Variants in C9orf153 observed in about 807,000 individuals in gnomAD.
C9orf153 encodes the protein chromosome 9 open reading frame 153.
A neutral mutation model predicts 9.0 loss-of-function variants in C9orf153; 10 were observed. That is an observed-to-expected ratio of 1.11 (90% CI 0.69 to 1.89). The LOEUF is 1.89. Ranked by LOEUF, C9orf153 falls within the 40% of genes most tolerant of loss-of-function variation. C9orf153 has a pLI of 0.00. For missense variants in C9orf153, 108 were observed against 111.0 expected, an observed-to-expected ratio of 0.97 and a Z score of 0.12; for synonymous variants, 35 against 37.3, an observed-to-expected ratio of 0.94 and a Z score of 0.23.
chr9:86,236,064 G>T (rs946194618), intron 1 of C9orf153, among the ~76,000 whole-genome samples: 2 of 151,792 alleles, frequency 1.3e-5, no homozygotes, highest in African/African-American at 4.8e-5. Flanking sequence ...ATAAAGAAAA[G>T]AAATCTTGAA....
chr9:86,236,022 G>A (rs548650968), intron 1 of C9orf153, among the ~76,000 whole-genome samples: 1 of 151,874 alleles, frequency 6.6e-6, no homozygotes, highest in African/African-American at 2.4e-5. Context: ...CTTCACATAG[G>A]TATATCATAT....
Position 86,227,711 on chromosome 9 carries a change from T to A in C9orf153, c.242+144A>T, listed in dbSNP as rs370302773. 39 of 1,379,362 alleles carry A rather than the reference T, an allele frequency of 2.8e-5. No homozygotes were observed. In the South Asian group the frequency reaches 7.7e-4, roughly 27 times the overall value. The allele number at this position is 1,379,362 out of a possible 1,614,324, so 85.4% of individuals were successfully genotyped here. ...GGTGAGAATTTCATAAGGAAAAGTG[T>A]GCTTGGGAGGGGAGATCCCACACTG... On this transcript the variant is annotated intron_variant, in intron 3 of 3. Coordinates refer to ENST00000339137, the MANE Select transcript of C9orf153 (RefSeq NM_001276366.4).
rs566857482 is a variant in C9orf153, at chr9:86,237,063, G to T, written c.-26-7434C>A. On this transcript the variant is annotated intron_variant, in intron 1 of 3. Transcript: ENST00000339137. ...AAGAAGAAATAATTAGGAGTATTTT[G>T]TTATTATAAGGTACTCACACTGCCT... Among the ~76,000 whole-genome samples, 7 of 152,030 alleles carry T rather than the reference G, an allele frequency of 4.6e-5. No homozygotes were observed. In the East Asian group the frequency reaches 1.2e-3, roughly 25 times the overall value.
chr9:86,225,508 G>A (rs1824308556), intron 3 of C9orf153, among the ~76,000 whole-genome samples: 1 of 151,198 alleles, frequency 6.6e-6, no homozygotes, highest in South Asian at 2.1e-4. Flanking sequence ...GCCCAGGCTG[G>A]AGTGTAGTGG....
intron 1 of C9orf153, among the ~76,000 whole-genome samples, chr9:86,252,700 C>T (rs943836023): frequency 6.6e-6 from 1 of 152,132 alleles, no homozygotes; most frequent in Non-Finnish European, 1.5e-5. Context: ...TGTGTTGTTA[C>T]TAGTATTTGT....
intron 2 of C9orf153, among the ~76,000 whole-genome samples, chr9:86,228,379 G>C (rs559821465): frequency 6.6e-6 from 1 of 152,292 alleles, no homozygotes; most frequent in South Asian, 2.1e-4. Flanking sequence ...AGCTGTGGGA[G>C]ACTGTGGCCT....
intron 1 of C9orf153, among the ~76,000 whole-genome samples, chr9:86,230,997 G>A (rs1319658991): frequency 6.6e-6 from 1 of 152,150 alleles, no homozygotes; most frequent in Non-Finnish European, 1.5e-5. Context: ...AGGCTTTGCG[G>A]CTTTCCTACA....
intron 1 of C9orf153, among the ~76,000 whole-genome samples, chr9:86,248,333 C>T (rs1564003394): frequency 6.6e-6 from 1 of 152,094 alleles, no homozygotes; most frequent in Non-Finnish European, 1.5e-5. Flanking sequence ...TGGGTTTCGT[C>T]ATGTTGGCCA....
intron 3 of C9orf153, chr9:86,227,354 T>C (rs1563997322): frequency 9.1e-6 from 14 of 1,534,068 alleles, no homozygotes; most frequent in Non-Finnish European, 1.2e-5. Flanking sequence ...TTTTTGGAGA[T>C]GGGGTCTTTC....
At position 86,221,441 on chromosome 9, in the gene C9orf153, T is replaced by C; in HGVS notation, c.*247A>G. On this transcript the variant is annotated 3_prime_UTR_variant, in exon 4 of 4. Coordinates refer to ENST00000339137, the MANE Select transcript of C9orf153 (RefSeq NM_001276366.4). ...GTACTTGGCTTCTTTACTTTTTGTG[T>C]ATTAAATCAATGCTCTCAAAAGCAA... 1 of 874,620 alleles carries C rather than the reference T, an allele frequency of 1.1e-6. No homozygotes were observed. Among genetic ancestry groups the C allele is most frequent in the Non-Finnish European group, 1.5e-6 (1 of 648,610 alleles). The allele number at this position is 874,620 out of a possible 1,614,324, so 54.2% of individuals were successfully genotyped here. A position where few individuals can be genotyped will look rare whatever the true frequency, so the allele number is the denominator to read the frequency against.
chr9:86,244,452 C>T (rs1211991814), intron 1 of C9orf153, among the ~76,000 whole-genome samples: 2 of 152,168 alleles, frequency 1.3e-5, no homozygotes, highest in East Asian at 3.9e-4. Context: ...TTCTATTGGA[C>T]AAGGCTGATC....
intron 1 of C9orf153, among the ~76,000 whole-genome samples, chr9:86,245,512 T>C (rs1824846025): frequency 6.6e-6 from 1 of 152,176 alleles, no homozygotes; most frequent in South Asian, 2.1e-4. Context: ...AATATTGGTT[T>C]CTTGGGGACT....
At chr9:86,253,802 T>A (rs1264114858) in intron 1 of C9orf153, among the ~76,000 whole-genome samples, 1 of 152,116 alleles carries the variant, frequency 6.6e-6, no homozygotes, top group Middle Eastern at 3.2e-3. Context: ...ATAATAAGAC[T>A]ACAATTTGGC....
intron 1 of C9orf153, among the ~76,000 whole-genome samples, chr9:86,250,857 T>C (rs185462750): frequency 5.3e-5 from 8 of 152,334 alleles, no homozygotes; most frequent in Non-Finnish European, 1.0e-4. Context: ...TGAAAACGAA[T>C]TGTGAAAAAG....
intron 1 of C9orf153, among the ~76,000 whole-genome samples, chr9:86,234,367 T>C (rs571951744): frequency 6.6e-6 from 1 of 152,160 alleles, no homozygotes; most frequent in East Asian, 1.9e-4. Context: ...GAAACATAAA[T>C]AACAGGAAAT....
intron 3 of C9orf153, chr9:86,227,272 G>A (rs745732180): frequency 7.2e-5 from 100 of 1,385,318 alleles, no homozygotes; most frequent in East Asian, 4.4e-4. Flanking sequence ...TAAACCTCTC[G>A]GGTAGCCGAG....
intron 1 of C9orf153, among the ~76,000 whole-genome samples, chr9:86,259,137 C>T (rs1271359648): frequency 1.3e-5 from 2 of 152,010 alleles, no homozygotes; most frequent in African/African-American, 4.8e-5. Context: ...TCAGGTGATC[C>T]TCCCATCAGC....
intron 1 of C9orf153, among the ~76,000 whole-genome samples, chr9:86,232,453 G>A (rs938430326): frequency 6.6e-6 from 1 of 152,220 alleles, no homozygotes; most frequent in African/African-American, 2.4e-5. Context: ...CCTGTTTACA[G>A]ATTTGTGTGA....
intron 3 of C9orf153, among the ~76,000 whole-genome samples, chr9:86,224,302 G>T (rs1345185165): frequency 6.6e-6 from 1 of 152,076 alleles, no homozygotes; most frequent in Non-Finnish European, 1.5e-5. Flanking sequence ...TAGGAGGATT[G>T]CTTGAGCCCA....
Sources: gnomAD v4.1 joint callset for allele counts (sites outside exome capture counted in the v4.1 genomes callset) on GRCh38, gnomAD v4.1.1 for gene constraint, MANE v1.5 for transcripts, NCBI Gene and HGNC (gene_info 2026-07-23, HGNC 2026-07-21) for gene names.